Variants in CDH13 observed in about 807,000 individuals in gnomAD.
The protein encoded by CDH13 is cadherin 13.
CDH13 carries 24 observed loss-of-function variants against 63.8 expected under a neutral mutation model. The ratio of observed to expected loss-of-function variants is 0.38; its 90% CI spans 0.27 to 0.53. The LOEUF is 0.53. Ranked by LOEUF, CDH13 falls within the 20% of genes least tolerant of loss-of-function variation. The probability of loss-of-function intolerance (pLI) is 0.85; values close to 1 mark genes in which losing one functional copy is unlikely to be tolerated. For synonymous variants in CDH13, 503 were observed against 355.3 expected, an observed-to-expected ratio of 1.42 and a Z score of -4.67; for missense variants, 1,049 against 903.1, an observed-to-expected ratio of 1.16 and a Z score of -2.07.
chr16:82,852,682 A>G (rs968961746), intron 1 of CDH13, among the ~76,000 whole-genome samples: 1 of 152,238 alleles, frequency 6.6e-6, no homozygotes, highest in African/African-American at 2.4e-5. Flanking sequence ...AAAGTTGCCA[A>G]CTCGAATGCC....
chr16:83,559,608 G>T (rs1474783975), intron 7 of CDH13, among the ~76,000 whole-genome samples: 1 of 149,470 alleles, frequency 6.7e-6, no homozygotes, highest in African/African-American at 2.5e-5. Flanking sequence ...AAGGAAGGAA[G>T]GAAGGAAAGA....
chr16:82,772,239 C>G (rs1276120559), intron 1 of CDH13, among the ~76,000 whole-genome samples: 1 of 152,154 alleles, frequency 6.6e-6, no homozygotes, highest in Non-Finnish European at 1.5e-5. Context: ...TCCCTTCCCT[C>G]CACCCAGAAG....
Position 83,175,072 on chromosome 16 carries a change from A to C in CDH13, c.484-42273A>C, listed in dbSNP as rs544123177. 2.4e-4 allele frequency among the ~76,000 whole-genome samples: 36 copies of C among 152,212 alleles called. 1 individual carries two copies. In the South Asian group the frequency reaches 6.0e-3, roughly 26 times the overall value. ...CTAGCCACATTTCAAATCATCAGCT[A>C]CGTATCGCTGGTGGCTATTATATGC... On this transcript the variant is annotated intron_variant, in intron 4 of 13. Transcript: ENST00000567109.
rs556166546 is a variant in CDH13 at position 82,876,640 on chromosome 16, T to A, written c.157+18167T>A. Among the ~76,000 whole-genome samples, 4 of 152,276 alleles carry A rather than the reference T, an allele frequency of 2.6e-5. No homozygotes were observed. The South Asian group carries it at 8.3e-4, about 32-fold the overall frequency. The stretch of plus-strand genomic sequence containing the variant: ...TGGTCTGTGGACCACACATTTAGTG[T>A]TAAGATAGGAATAACTTAACTCCAA... On this transcript the variant is annotated intron_variant, in intron 2 of 13. Coordinates refer to ENST00000567109, the MANE Select transcript of CDH13 (RefSeq NM_001257.5).
intron 4 of CDH13, among the ~76,000 whole-genome samples, chr16:83,139,836 C>G (rs940974679): frequency 6.6e-6 from 1 of 152,096 alleles, no homozygotes; most frequent in African/African-American, 2.4e-5. Context: ...AACCCCATCT[C>G]TACTAAAAAT....
At chr16:82,937,804 A>G (rs1011859683) in intron 2 of CDH13, among the ~76,000 whole-genome samples, 1 of 152,220 alleles carries the variant, frequency 6.6e-6, no homozygotes, top group African/African-American at 2.4e-5. Flanking sequence ...TGATTTGTAG[A>G]TTTAATGTTG....
chr16:83,681,513 T>C (rs1470567641), intron 10 of CDH13, among the ~76,000 whole-genome samples: 2 of 152,132 alleles, frequency 1.3e-5, no homozygotes, highest in East Asian at 3.9e-4. Context: ...CACGTGACTC[T>C]TTCTCAGCCT....
At chr16:83,180,064 A>G (rs544775778) in intron 4 of CDH13, among the ~76,000 whole-genome samples, 15 of 152,292 alleles carry the variant, frequency 9.8e-5, no homozygotes, top group South Asian at 8.3e-4. Context: ...TTTACTTAGA[A>G]AACACAGAGA....
chr16:82,839,531 A>T (rs2038918226), intron 1 of CDH13, among the ~76,000 whole-genome samples: 1 of 152,134 alleles, frequency 6.6e-6, no homozygotes, highest in Non-Finnish European at 1.5e-5. Context: ...AATCTCCCTA[A>T]CTGGAACCCA....
At chr16:83,705,602 C>T (rs1340250711) in intron 10 of CDH13, among the ~76,000 whole-genome samples, 3 of 152,042 alleles carry the variant, frequency 2.0e-5, no homozygotes, top group African/African-American at 7.2e-5. Flanking sequence ...AGCGTGGGGG[C>T]CAGAGGGAGA....
At chr16:83,705,683 C>T (rs1906931557) in intron 10 of CDH13, among the ~76,000 whole-genome samples, 1 of 152,180 alleles carries the variant, frequency 6.6e-6, no homozygotes, top group African/African-American at 2.4e-5. Flanking sequence ...TGAGCAACTA[C>T]TAAGTGCCAG....
At position 82,766,699 on chromosome 16, in the gene CDH13, A is replaced by G. The variant is rs536059532; in HGVS notation, c.46-91663A>G. ...ATATCATTATCCAATATATTCCTTT[A>G]TATCATTATCCAAATAAATACATCT... On this transcript the variant is annotated intron_variant, in intron 1 of 13. Transcript: ENST00000567109. 1.4e-3 allele frequency among the ~76,000 whole-genome samples: 218 copies of G among 152,144 alleles called. 4 individuals are homozygous for G. The highest frequency in any genetic ancestry group is 1.7e-3 in the Non-Finnish European group (116 of 68,030).
intron 2 of CDH13, among the ~76,000 whole-genome samples, chr16:82,950,416 AT>A (rs770832503): frequency 2.2e-4 from 34 of 151,964 alleles, no homozygotes; most frequent in South Asian, 1.0e-3. Flanking sequence ...CCCACGTGTT[AT>A]GGGAGGGACT....
chr16:82,672,839 G>C (rs1312908958), intron 1 of CDH13, among the ~76,000 whole-genome samples: 1 of 151,478 alleles, frequency 6.6e-6, no homozygotes, highest in African/African-American at 2.4e-5. Context: ...TTTGGAGACA[G>C]AGCCTCACTG....
intron 7 of CDH13, among the ~76,000 whole-genome samples, chr16:83,493,315 C>A (rs1054340664): frequency 6.6e-6 from 1 of 152,172 alleles, no homozygotes; most frequent in African/African-American, 2.4e-5. Flanking sequence ...TGGCAAGTTT[C>A]TTTAAATTGA....
intron 5 of CDH13, among the ~76,000 whole-genome samples, chr16:83,285,724 G>A (rs900356720): frequency 2.0e-5 from 3 of 152,106 alleles, no homozygotes; most frequent in Non-Finnish European, 4.4e-5. Flanking sequence ...GGTGTTTGTG[G>A]GGGAGGGATG....
intron 3 of CDH13, among the ~76,000 whole-genome samples, chr16:83,085,177 C>T (rs7205713): frequency 1.3e-5 from 2 of 151,618 alleles, no homozygotes; most frequent in Admixed American, 1.3e-4. Flanking sequence ...AGAATCATGA[C>T]AGGGGGCAAA....
In CDH13 at chr16:83,215,486, A is replaced by G. The variant is rs950855970; in HGVS notation, c.484-1859A>G. Among the ~76,000 whole-genome samples, 5 of 98,566 alleles carry G rather than the reference A, an allele frequency of 5.1e-5. No individual in the cohort carries two copies. In the East Asian group the frequency reaches 1.8e-3, roughly 35 times the overall value. The allele number at this position is 98,566 out of a possible 152,430, so 64.7% of individuals were successfully genotyped here. A position where few individuals can be genotyped will look rare whatever the true frequency, so the allele number is the denominator to read the frequency against. ...CAACACTCAGTGTATTTTAATAAAC[A>G]ACATTTTTTAATCGGAAAAAAAAAA... On this transcript the variant is annotated intron_variant, in intron 4 of 13. Transcript: ENST00000567109.
chr16:83,395,905 A>G (rs1173535890), intron 6 of CDH13, among the ~76,000 whole-genome samples: 1 of 152,186 alleles, frequency 6.6e-6, no homozygotes, highest in Non-Finnish European at 1.5e-5. Flanking sequence ...TCACCCACAC[A>G]TTAAGCCTAA....
Sources: allele counts gnomAD v4.1 joint callset (sites outside exome capture counted in the v4.1 genomes callset), GRCh38; gene constraint gnomAD v4.1.1; transcripts MANE v1.5; gene names NCBI Gene and HGNC (gene_info 2026-07-23, HGNC 2026-07-21).